Variants in NOS2 observed in about 807,000 individuals in gnomAD.
NOS2 encodes nitric oxide synthase 2.
NOS2 carries 96 observed loss-of-function variants against 136.0 expected under a neutral mutation model. The ratio of observed to expected loss-of-function variants is 0.71; its 90% confidence interval spans 0.60 to 0.84. The LOEUF (loss-of-function observed/expected upper bound fraction) is 0.84. NOS2 is among the 40% of genes least tolerant of loss of function. NOS2 has a pLI of 0.00. For synonymous variants in NOS2, 539 were observed against 587.5 expected (o/e 0.92, Z 1.20); for missense variants, 1,237 against 1,496.9 (o/e 0.83, Z 2.87).
intron 25 of NOS2, 100 bp downstream of exon 25, chr17:27,759,930 A>C (rs1908058488): frequency 8.3e-7 from 1 of 1,201,056 alleles, no homozygotes; most frequent in Admixed American, 2.7e-5. Context: ...TTTCGAGCTC[A>C]GGAGGTGAAG....
Position 27,779,014 on chromosome 17 carries a change from C to A in NOS2, c.1047G>T (p.Leu349=). 6.3e-7 allele frequency: 1 copy of A among 1,597,500 alleles called. No individual in the cohort carries two copies. The highest frequency in any genetic ancestry group is 8.5e-7 in the Non-Finnish European group (1 of 1,170,324). The stretch of plus-strand genomic sequence containing the variant: ...CAAGCAGCATGTTGGCCACTGCAGG[C>A]AGGGCGTACCACTTTAGCTCCAGTT... The part of the protein sequence containing the change: ...FRELELKWYA[L]PAVANMLLEV... The change falls in exon 10 of 27, where the codon CTG becomes CTT. Residue 349 remains leucine (L), a synonymous_variant. Coordinates refer to ENST00000313735, the MANE Select transcript of NOS2 (RefSeq NM_000625.4).
intron 7 of NOS2, 66 bp downstream of exon 7, chr17:27,781,949 G>C (rs1264675608): frequency 1.8e-5 from 25 of 1,387,632 alleles, no homozygotes; most frequent in Non-Finnish European, 2.6e-5. Context: ...CCCAAGTGCT[G>C]CATCTTTTGG....
chr17:27,777,005 AT>A (rs1190462989), intron 11 of NOS2, among the ~76,000 whole-genome samples: 2 of 152,202 alleles, frequency 1.3e-5, no homozygotes, highest in Non-Finnish European at 2.9e-5. Flanking sequence ...TCTGGGACGT[AT>A]CCACATCCTG....
chr17:27,766,961 A>G (rs898996044), intron 18 of NOS2, among the ~76,000 whole-genome samples: 3 of 139,576 alleles, frequency 2.1e-5, no homozygotes, highest in African/African-American at 8.2e-5. Context: ...GAATCGCGCC[A>G]CTGCACTCCA....
chr17:27,775,013 C>T (rs1462919273), intron 11 of NOS2, among the ~76,000 whole-genome samples: 5 of 152,242 alleles, frequency 3.3e-5, no homozygotes, highest in Non-Finnish European at 5.9e-5. Context: ...AATGGTCCAG[C>T]AAGGCAGCCA....
chr17:27,773,184 C>T lies in NOS2; in HGVS notation c.1536G>A (p.Glu512=), dbSNP rs757798510. ...ACTTGACCAAGACTTTCAATGGAATCTCTCTTCTCTTGGGTCTCCGCTTCT... is the reference window on the plus strand; with the variant it reads ...ACTTGACCAAGACTTTCAATGGAATTTCTCTTCTCTTGGGTCTCCGCTTCT... ...QDEKRRPKRR[E]IPLKVLVKAV... The change falls in exon 13 of 27, where the codon GAG becomes GAA. Residue 512 remains glutamate, a synonymous_variant. Coordinates refer to ENST00000313735, the MANE Select transcript of NOS2 (RefSeq NM_000625.4). 1.4e-5 allele frequency: 22 copies of T among 1,614,030 alleles called. No homozygotes were observed. The highest frequency in any genetic ancestry group is 1.4e-5 in the Non-Finnish European group (16 of 1,179,946).
chr17:27,779,079 T>A, intron 9 of NOS2, 23 bp from the exon 10 acceptor site: 2 of 1,418,796 alleles, frequency 1.4e-6, no homozygotes, highest in Non-Finnish European at 1.9e-6. Context: ...TAGACACAAT[T>A]TAACTGGGGC....
chr17:27,782,611 A>T, intron 6 of NOS2, among the ~76,000 whole-genome samples: 1 of 152,242 alleles, frequency 6.6e-6, no homozygotes, highest in East Asian at 1.9e-4. Flanking sequence ...CCAAGAATTC[A>T]AGCATTGGAG....
intron 2 of NOS2, among the ~76,000 whole-genome samples, chr17:27,798,247 G>A (rs904842416): frequency 4.6e-5 from 7 of 152,200 alleles, no homozygotes; most frequent in African/African-American, 1.2e-4. Flanking sequence ...CAACTAGTGC[G>A]GCCAGCACAG....
At chr17:27,792,390 A>T (rs1267682933) in intron 2 of NOS2, among the ~76,000 whole-genome samples, 1 of 152,238 alleles carries the variant, frequency 6.6e-6, no homozygotes. Context: ...ATACTTTTCC[A>T]CATCTTCCAA....
chr17:27,772,287 G>A lies in NOS2; in HGVS notation c.1704+21C>T, dbSNP rs376508584. ...CTGCACACAAGCAGAAAAAACAACA[G>A]CCATCCCACTGAGCCAGTACCTTGG... On this transcript the variant is annotated intron_variant, in intron 14 of 26. Coordinates refer to ENST00000313735, the MANE Select transcript of NOS2 (RefSeq NM_000625.4). 3.1e-6 allele frequency: 5 copies of A among 1,613,560 alleles called. No individual in the cohort carries two copies. In the African/African-American group the frequency reaches 4.0e-5, roughly 13 times the overall value.
intron 2 of NOS2, among the ~76,000 whole-genome samples, chr17:27,792,285 C>T (rs1275863898): frequency 6.8e-6 from 1 of 147,782 alleles, no homozygotes; most frequent in Non-Finnish European, 1.5e-5. Context: ...TGTGTGTGTG[C>T]GTACAAGCAC....
intron 2 of NOS2, among the ~76,000 whole-genome samples, chr17:27,796,139 A>G (rs923662131): frequency 6.6e-6 from 1 of 152,088 alleles, no homozygotes; most frequent in Non-Finnish European, 1.5e-5. Flanking sequence ...AGAGAGAGAG[A>G]AAGAGAGAAA....
chr17:27,764,137 G>A lies in NOS2; in HGVS notation c.2436C>T (p.Tyr812=). 1 of 1,533,030 alleles carries A rather than the reference G, an allele frequency of 6.5e-7. No homozygotes were observed. Among genetic ancestry groups the A allele is most frequent in the Non-Finnish European group, 8.8e-7 (1 of 1,138,080 alleles). The allele number at this position is 1,533,030 out of a possible 1,614,324, so 95.0% of individuals were successfully genotyped here. Reference sequence around the variant, plus strand: ...GGGGCAGCCTCTTGTCACTGACCCAGTAGCTGCCTGGATGGGGAAGGAAGG... The same window carrying A: ...GGGGCAGCCTCTTGTCACTGACCCAATAGCTGCCTGGATGGGGAAGGAAGG... ...RLEALDESGS[Y]WVSDKRLPPC... is the part of the protein sequence containing the mutation. Residue 812 remains tyrosine (Y), a synonymous_variant, in exon 21 of 27, where the codon TAC becomes TAT. Transcript: ENST00000313735.
In NOS2 at chr17:27,787,717, G is replaced by C; in HGVS notation, c.428C>G (p.Ala143Gly). Residue 143 changes from alanine (A) to glycine (G), a missense_variant, in exon 5 of 27, where the codon GCT (alanine) becomes GGT (glycine). This residue lies in a region of NOS2 where 440 missense variants were observed against 545.4 expected (regional missense o/e 0.81). Coordinates refer to ENST00000313735, the MANE Select transcript of NOS2 (RefSeq NM_000625.4). ...GTAATATTGGTTGACAAATTCGATA[G>C]CTTGAGGTAGAAGCTCATCTGGAGG... ...PTPPDELLPQ[A>G]IEFVNQYYGS... The C allele has an allele frequency of 6.2e-7, 1 of 1,613,802 alleles. No homozygotes were observed.
intron 16 of NOS2, 47 bp downstream of exon 16, chr17:27,769,487 TG>T: frequency 6.5e-7 from 1 of 1,541,744 alleles, no homozygotes; most frequent in Non-Finnish European, 9.0e-7. Context: ...ACCCAGACTT[TG>T]GGTCCACAGG....
intron 7 of NOS2, among the ~76,000 whole-genome samples, chr17:27,781,626 T>C (rs1037830572): frequency 6.6e-6 from 1 of 152,178 alleles, no homozygotes; most frequent in African/African-American, 2.4e-5. Flanking sequence ...AAAAGATGAA[T>C]GAATGACCAA....
chr17:27,787,809 G>T lies in NOS2; in HGVS notation c.336C>A (p.Ser112=), dbSNP rs1909066151. 6.2e-7 allele frequency: 1 copy of T among 1,611,200 alleles called. No individual in the cohort carries two copies. Among genetic ancestry groups the T allele is most frequent in the Admixed American group, 1.7e-5 (1 of 59,684 alleles). ...HKAKGILTCR[S]KSCLGSIMTP... Reference sequence around the variant, plus strand: ...TCATAATGGACCCCAGGCAAGATTTGGACCTGCAAGTTAAAATCTGGAAAG... The same window carrying T: ...TCATAATGGACCCCAGGCAAGATTTTGACCTGCAAGTTAAAATCTGGAAAG... The change falls in exon 5 of 27, where the codon TCC becomes TCA. Residue 112 remains serine (S), a synonymous_variant. Coordinates refer to ENST00000313735, the MANE Select transcript of NOS2 (RefSeq NM_000625.4).
Position 27,789,000 on chromosome 17 carries a change from G to A in NOS2, c.196-69C>T, listed in dbSNP as rs538633363. ...ACCCCAGGCCCTGCCTTGTCTTAGA[G>A]TGGGGAAGGATCTATGGGTGGCCAC... On this transcript the variant is annotated intron_variant, in intron 3 of 26. Transcript: ENST00000313735. 5.0e-5 allele frequency: 79 copies of A among 1,567,140 alleles called. No individual in the cohort carries two copies. The African/African-American group carries it at 7.8e-4, about 16-fold the overall frequency.
Sources: allele counts gnomAD v4.1 joint callset (sites outside exome capture counted in the v4.1 genomes callset), GRCh38; gene constraint gnomAD v4.1.1; regional missense constraint gnomAD v4.1.1; transcripts MANE v1.5; gene names NCBI Gene and HGNC (gene_info 2026-07-23, HGNC 2026-07-21).